Variants in PAPOLA observed in about 807,000 individuals in gnomAD.
PAPOLA encodes polynucleotide adenylyltransferase alpha.
A neutral mutation model predicts 100.6 loss-of-function variants in PAPOLA; 15 were observed. That is an observed-to-expected ratio of 0.15 (90% CI 0.10 to 0.23). The LOEUF is 0.23. Ranked by LOEUF, PAPOLA falls within the 10% of genes least tolerant of loss-of-function variation. PAPOLA has a pLI of 1.00. For missense variants in PAPOLA, 533 were observed against 884.2 expected, an observed-to-expected ratio of 0.60 and a Z score of 5.04; for synonymous variants, 293 against 300.0, an observed-to-expected ratio of 0.98 and a Z score of 0.24.
rs189476405 is a variant in PAPOLA, at chr14:96,519,252, G to C, written c.9-803G>C. ...ATAAACACTTAATTTCTTAAGGAAT[G>C]GAATTTGGGAGAAATAACCGATCCA... On this transcript the variant is annotated intron_variant, in intron 1 of 21. Transcript: ENST00000216277. Among the ~76,000 whole-genome samples the C allele has an allele frequency of 2.2e-3, 342 of 152,200 alleles. 2 individuals carry two copies. Among genetic ancestry groups the C allele is most frequent in the African/African-American group, 7.9e-3 (326 of 41,522 alleles).
Position 96,552,472 on chromosome 14 carries a change from G to T in PAPOLA, c.1522-8G>T. 1 of 1,609,656 alleles carries T rather than the reference G, an allele frequency of 6.2e-7. No individual in the cohort carries two copies. The highest frequency in any genetic ancestry group is 1.7e-5 in the Admixed American group (1 of 59,620). On this transcript the variant is annotated splice_polypyrimidine_tract_variant and splice_region_variant and intron_variant, in intron 16 of 21. Transcript: ENST00000216277. Reference sequence around the variant, plus strand: ...GATATATTTGATAAAATGTTTTATTGTTTGCAGCATTCAACAGAAGGTGTC... The same window carrying T: ...GATATATTTGATAAAATGTTTTATTTTTTGCAGCATTCAACAGAAGGTGTC...
intron 15 of PAPOLA, among the ~76,000 whole-genome samples, chr14:96,546,076 T>G (rs1301777600): frequency 1.3e-5 from 2 of 152,122 alleles, no homozygotes; most frequent in East Asian, 3.8e-4. Flanking sequence ...GAAAATAGGT[T>G]TCACATATTC....
chr14:96,555,539 A>G (rs2140326920), intron 17 of PAPOLA, among the ~76,000 whole-genome samples: 1 of 152,236 alleles, frequency 6.6e-6, no homozygotes, highest in Admixed American at 6.5e-5. Context: ...GTTTCTCACT[A>G]GTCATATTTT....
intron 3 of PAPOLA, among the ~76,000 whole-genome samples, chr14:96,522,790 A>G (rs1348541224): frequency 6.6e-6 from 1 of 152,160 alleles, no homozygotes; most frequent in East Asian, 1.9e-4. Flanking sequence ...GAGAAAATGT[A>G]TTTGTAGAGT....
intron 3 of PAPOLA, among the ~76,000 whole-genome samples, chr14:96,522,591 G>A (rs940175625): frequency 1.3e-5 from 2 of 152,006 alleles, no homozygotes; most frequent in African/African-American, 4.8e-5. Flanking sequence ...TTTTTGTAGC[G>A]ATGGCTTTTC....
intron 19 of PAPOLA, among the ~76,000 whole-genome samples, chr14:96,559,124 A>G (rs1271850326): frequency 4.6e-5 from 7 of 151,616 alleles, no homozygotes; most frequent in African/African-American, 1.7e-4. Context: ...AAGGGGTATT[A>G]GGTTATTCCA....
At position 96,516,824 on chromosome 14, in the gene PAPOLA, T is replaced by C. The variant is rs184993946; in HGVS notation, c.9-3231T>C. On this transcript the variant is annotated intron_variant, in intron 1 of 21. Coordinates refer to ENST00000216277, the MANE Select transcript of PAPOLA (RefSeq NM_032632.5). The stretch of plus-strand genomic sequence containing the variant: ...ATTTTTTCAAATTAGGCTGAACAAG[T>C]CTTGTGCGCGTTTAGAAATCAGGGC... Among the ~76,000 whole-genome samples the C allele has an allele frequency of 5.6e-4, 85 of 152,324 alleles. 4 individuals are homozygous for C. The highest frequency in any genetic ancestry group is 4.9e-3 in the Admixed American group (75 of 15,304).
At chr14:96,562,110 T>G (rs747124375) in intron 20 of PAPOLA, among the ~76,000 whole-genome samples, 1 of 152,112 alleles carries the variant, frequency 6.6e-6, no homozygotes, top group Non-Finnish European at 1.5e-5. Context: ...GCCAGGCTGG[T>G]CTTGAACTCC....
Position 96,566,718 on chromosome 14 carries a change from A to G in PAPOLA, c.*1668A>G, listed in dbSNP as rs1234917741. ...ACCTTGCCCTTCCTTCCACCACCGA[A>G]GAAAAAAGATGGTCATACTAACAGG... On this transcript the variant is annotated 3_prime_UTR_variant, in exon 22 of 22. Coordinates refer to ENST00000216277, the MANE Select transcript of PAPOLA (RefSeq NM_032632.5). 1 of 152,516 alleles carries G rather than the reference A, an allele frequency of 6.6e-6. No homozygotes were observed. Among genetic ancestry groups the G allele is most frequent in the Non-Finnish European group, 1.5e-5 (1 of 67,986 alleles). The allele number at this position is 152,516 out of a possible 1,614,324, so 9.4% of individuals were successfully genotyped here.
chr14:96,531,832 A>T, intron 7 of PAPOLA: 1 of 1,406,034 alleles, frequency 7.1e-7, no homozygotes, highest in Non-Finnish European at 9.2e-7. Flanking sequence ...AGACCATCTG[A>T]CTTTTGTACT....
intron 4 of PAPOLA, 21 bp from the exon 5 acceptor site, chr14:96,527,409 G>C: frequency 2.1e-6 from 3 of 1,431,354 alleles, no homozygotes; most frequent in Non-Finnish European, 3.0e-6. Flanking sequence ...ATTAGTGGTT[G>C]ATGGGCTTAA....
At chr14:96,510,608 T>C (rs1897048489) in intron 1 of PAPOLA, among the ~76,000 whole-genome samples, 1 of 152,260 alleles carries the variant, frequency 6.6e-6, no homozygotes, top group South Asian at 2.1e-4. Flanking sequence ...AATTTTCAGT[T>C]TGGCCTTGGG....
At chr14:96,562,774 T>C (rs1245169415) in intron 20 of PAPOLA, 45 bp from the exon 21 acceptor site, 1 of 1,202,836 alleles carries the variant, frequency 8.3e-7, no homozygotes. Context: ...CTTTTATTCT[T>C]TTTTAAGTCT....
At chr14:96,550,707 A>G (rs979920485) in intron 16 of PAPOLA, among the ~76,000 whole-genome samples, 13 of 152,182 alleles carry the variant, frequency 8.5e-5, no homozygotes, top group Admixed American at 8.5e-4. Flanking sequence ...ATATCTCTTT[A>G]TATAGCTACA....
intron 16 of PAPOLA, among the ~76,000 whole-genome samples, chr14:96,550,536 C>G (rs1900763193): frequency 6.6e-6 from 1 of 152,142 alleles, no homozygotes; most frequent in South Asian, 2.1e-4. Flanking sequence ...TCACAGCAAA[C>G]CTACTTTTAA....
intron 1 of PAPOLA, among the ~76,000 whole-genome samples, chr14:96,510,871 C>T (rs754746862): frequency 1.2e-4 from 18 of 152,174 alleles, no homozygotes; most frequent in South Asian, 4.1e-4. Flanking sequence ...ACTATCATGC[C>T]GTATACCTTG....
chr14:96,560,114 G>T (rs1257959463), intron 19 of PAPOLA, among the ~76,000 whole-genome samples: 1 of 152,074 alleles, frequency 6.6e-6, no homozygotes, highest in East Asian at 1.9e-4. Flanking sequence ...AGAAAATAGT[G>T]TCAAAATAGT....
At chr14:96,524,972 C>T (rs1312494097) in intron 3 of PAPOLA, among the ~76,000 whole-genome samples, 1 of 152,174 alleles carries the variant, frequency 6.6e-6, no homozygotes, top group Non-Finnish European at 1.5e-5. Flanking sequence ...ATTTTATATA[C>T]AGCATCTTTG....
chr14:96,502,648 G>A (rs765819282), intron 1 of PAPOLA, 48 bp downstream of exon 1: 12 of 1,555,250 alleles, frequency 7.7e-6, no homozygotes, highest in Non-Finnish European at 1.0e-5. Flanking sequence ...CTGGGCCTTG[G>A]GGGGCGTCCG....
Sources: gnomAD v4.1 joint callset for allele counts (sites outside exome capture counted in the v4.1 genomes callset) on GRCh38, gnomAD v4.1.1 for gene constraint, MANE v1.5 for transcripts, NCBI Gene and HGNC (gene_info 2026-07-23, HGNC 2026-07-21) for gene names.